The following USH2A variants were observed in gnomAD, a reference collection of about 807,000 sequenced individuals.
USH2A encodes the protein usherin.
In USH2A, 443 loss-of-function variants were observed where a neutral mutation model predicts 538.9. The ratio of observed to expected loss-of-function variants is 0.82; its 90% confidence interval spans 0.76 to 0.89. The LOEUF (loss-of-function observed/expected upper bound fraction) is 0.89, where lower values mean the gene tolerates loss of function less well. Ranked by LOEUF, USH2A falls within the 40% of genes least tolerant of loss-of-function variation. USH2A has a pLI of 0.00. For missense variants in USH2A, 6,633 were observed against 6,324.8 expected (o/e 1.05, Z -1.65); for synonymous variants, 2,413 against 2,273.5 (o/e 1.06, Z -1.75).
intron 36 of USH2A, among the ~76,000 whole-genome samples, chr1:215,968,044 T>C (rs1476574243): frequency 6.6e-6 from 1 of 152,196 alleles, no homozygotes; most frequent in African/African-American, 2.4e-5. Context: ...AAAACATTAT[T>C]GTATTTTATT....
Position 215,843,570 on chromosome 1 carries a change from C to T in USH2A, c.9258+724G>A, listed in dbSNP as rs117719256. ...AAATTATGTGTTAAATTTTGTCATA[C>T]AAGTGCATAAATATTTTTCTAAGGC... On this transcript the variant is annotated intron_variant, in intron 46 of 71. Coordinates refer to ENST00000307340, the MANE Select transcript of USH2A (RefSeq NM_206933.4). 8.8e-3 allele frequency among the ~76,000 whole-genome samples: 1,334 copies of T among 152,212 alleles called. 64 individuals carry two copies. In the East Asian group the frequency reaches 0.13, roughly 15 times the overall value.
At chr1:216,326,002 T>C (rs1571704611) in intron 5 of USH2A, among the ~76,000 whole-genome samples, 2 of 152,186 alleles carry the variant, frequency 1.3e-5, no homozygotes, top group East Asian at 3.9e-4. Flanking sequence ...GAGTTATAGA[T>C]AATGTTTTCA....
At chr1:215,749,464 C>T (rs1036683688) in intron 58 of USH2A, among the ~76,000 whole-genome samples, 10 of 152,122 alleles carry the variant, frequency 6.6e-5, no homozygotes, top group African/African-American at 1.2e-4. Flanking sequence ...GCTGTGAACA[C>T]GTAAAACACT....
At chr1:216,101,331 GA>G (rs1415035292) in intron 21 of USH2A, among the ~76,000 whole-genome samples, 1 of 152,182 alleles carries the variant, frequency 6.6e-6, no homozygotes, top group Non-Finnish European at 1.5e-5. Context: ...CCGTGAGACA[GA>G]ATGGTAACAT....
At chr1:215,927,230 A>G (rs1666259246) in intron 38 of USH2A, among the ~76,000 whole-genome samples, 1 of 152,164 alleles carries the variant, frequency 6.6e-6, no homozygotes, top group Non-Finnish European at 1.5e-5. Context: ...TCGTTCAGGA[A>G]AAATAACTAA....
intron 37 of USH2A, among the ~76,000 whole-genome samples, chr1:215,936,196 A>G (rs886265228): frequency 1.9e-4 from 29 of 152,106 alleles, no homozygotes; most frequent in African/African-American, 6.8e-4. Flanking sequence ...AGAGAAGAAC[A>G]AGCATACTGG....
At chr1:215,770,237 T>C (rs1258461679) in intron 55 of USH2A, among the ~76,000 whole-genome samples, 1 of 152,180 alleles carries the variant, frequency 6.6e-6, no homozygotes, top group African/African-American at 2.4e-5. Context: ...ATGTTCTCCA[T>C]CACATAAGAG....
intron 47 of USH2A, among the ~76,000 whole-genome samples, chr1:215,837,547 A>T (rs1008523560): frequency 6.6e-6 from 1 of 152,226 alleles, no homozygotes; most frequent in African/African-American, 2.4e-5. Flanking sequence ...AGAAGCTGAC[A>T]AAATTGGTAA....
chr1:215,826,905 A>C (rs183090887), intron 47 of USH2A, among the ~76,000 whole-genome samples: 4 of 152,338 alleles, frequency 2.6e-5, no homozygotes, highest in East Asian at 1.9e-4. Flanking sequence ...TACTAAAATC[A>C]GTGTTTAATA....
chr1:216,220,255 T>A (rs2035430076), intron 14 of USH2A, among the ~76,000 whole-genome samples: 1 of 151,808 alleles, frequency 6.6e-6, no homozygotes, highest in African/African-American at 2.4e-5. Flanking sequence ...AGCTCATGGG[T>A]ACTATCAAAT....
intron 64 of USH2A, among the ~76,000 whole-genome samples, chr1:215,666,382 C>T (rs1357310262): frequency 2.0e-5 from 3 of 152,106 alleles, no homozygotes; most frequent in Admixed American, 2.0e-4. Context: ...AACAATAGGA[C>T]CCTTCTTTAG....
intron 36 of USH2A, among the ~76,000 whole-genome samples, chr1:215,969,356 AT>A (rs1667434999): frequency 1.3e-5 from 2 of 152,026 alleles, no homozygotes; most frequent in Admixed American, 6.6e-5. Flanking sequence ...GTGGCATTTG[AT>A]TTCTTAAGGT....
At chr1:216,360,362 C>A (rs1322594373) in intron 4 of USH2A, among the ~76,000 whole-genome samples, 1 of 151,884 alleles carries the variant, frequency 6.6e-6, no homozygotes, top group African/African-American at 2.4e-5. Flanking sequence ...GGTGAAAATA[C>A]AGAGACAGTG....
chr1:216,203,088 T>C (rs1214738260), intron 16 of USH2A, among the ~76,000 whole-genome samples: 1 of 152,212 alleles, frequency 6.6e-6, no homozygotes, highest in African/African-American at 2.4e-5. Context: ...ATGATTTTTC[T>C]ATACATATTT....
intron 58 of USH2A, among the ~76,000 whole-genome samples, chr1:215,749,182 T>C (rs1660559990): frequency 6.6e-6 from 1 of 152,192 alleles, no homozygotes; most frequent in Non-Finnish European, 1.5e-5. Context: ...TGTTTTACTT[T>C]ATGTCTTCAG....
intron 32 of USH2A, among the ~76,000 whole-genome samples, chr1:216,018,219 G>A (rs1285528871): frequency 6.6e-6 from 1 of 152,180 alleles, no homozygotes; most frequent in Non-Finnish European, 1.5e-5. Flanking sequence ...TGACAAGGGA[G>A]AAGATGGCAC....
intron 35 of USH2A, among the ~76,000 whole-genome samples, chr1:215,986,165 G>A (rs1667868198): frequency 6.6e-6 from 1 of 152,002 alleles, no homozygotes; most frequent in African/African-American, 2.4e-5. Context: ...TGTCACCCAG[G>A]CTGAAGTGCA....
chr1:216,138,431 T>G (rs752476553), intron 21 of USH2A, among the ~76,000 whole-genome samples: 6 of 152,244 alleles, frequency 3.9e-5, no homozygotes, highest in Non-Finnish European at 8.8e-5. Flanking sequence ...TCCGTGCAGC[T>G]ATTGCTCCAA....
chr1:216,292,729 A>C (rs2037026684), intron 9 of USH2A, among the ~76,000 whole-genome samples: 1 of 152,148 alleles, frequency 6.6e-6, no homozygotes, highest in Non-Finnish European at 1.5e-5. Context: ...CTATCCCCTC[A>C]AGTGTTTAAC....
Sources: gnomAD v4.1 joint callset for allele counts (sites outside exome capture counted in the v4.1 genomes callset) on GRCh38, gnomAD v4.1.1 for gene constraint, MANE v1.5 for transcripts, NCBI Gene and HGNC (gene_info 2026-07-23, HGNC 2026-07-21) for gene names.